GNA14: variants seen among roughly 807,000 people sequenced by gnomAD.
GNA14 encodes the protein G protein subunit alpha 14.
In GNA14, 50 loss-of-function variants were observed where a neutral mutation model predicts 42.0. That is an observed-to-expected ratio of 1.19 (90% CI 0.95 to 1.51). The LOEUF is 1.51. GNA14 is among the 40% of genes most tolerant of loss of function. The pLI is 0.00. For synonymous variants in GNA14, 173 were observed against 163.1 expected (o/e 1.06, Z -0.46); for missense variants, 473 against 446.2 (o/e 1.06, Z -0.54).
intron 1 of GNA14, among the ~76,000 whole-genome samples, chr9:77,590,395 T>A (rs1367741203): frequency 6.6e-6 from 1 of 152,194 alleles, no homozygotes; most frequent in Non-Finnish European, 1.5e-5. Context: ...ACCAGCACAA[T>A]CAACCTACAG....
intron 2 of GNA14, among the ~76,000 whole-genome samples, chr9:77,511,816 G>C (rs1290657764): frequency 6.6e-6 from 1 of 152,134 alleles, no homozygotes; most frequent in Non-Finnish European, 1.5e-5. Flanking sequence ...TGGAGGCCTG[G>C]AGAAGCAATC....
intron 1 of GNA14, among the ~76,000 whole-genome samples, chr9:77,589,985 C>T (rs955734124): frequency 2.0e-5 from 3 of 152,092 alleles, no homozygotes; most frequent in Non-Finnish European, 2.9e-5. Context: ...GGCGCAATAT[C>T]GGCTCACTGC....
chr9:77,546,207 C>G lies in GNA14; in HGVS notation c.125-16954G>C, dbSNP rs540130431. Among the ~76,000 whole-genome samples the G allele has an allele frequency of 8.0e-4, 100 of 125,644 alleles. 1 individual carries two copies. Among genetic ancestry groups the G allele is most frequent in the African/African-American group, 3.0e-3 (90 of 30,018 alleles). The allele number at this position is 125,644 out of a possible 152,430, so 82.4% of individuals were successfully genotyped here. On this transcript the variant is annotated intron_variant, in intron 1 of 6. Coordinates refer to ENST00000341700, the MANE Select transcript of GNA14 (RefSeq NM_004297.4). ...ACTCCAGCCTGGGTGACAGAGCGAGCTCCATCTCAAAAAAAAAAAAAAAAA... is the reference window on the plus strand; with the variant it reads ...ACTCCAGCCTGGGTGACAGAGCGAGGTCCATCTCAAAAAAAAAAAAAAAAA...
chr9:77,434,358 C>T lies in GNA14; in HGVS notation c.464+10G>A, dbSNP rs938594541. On this transcript the variant is annotated intron_variant, in intron 3 of 6. Transcript: ENST00000341700. ...GCACCGCGGGCGGCCAGGGTGGGCTCTGTACTCACTATTTGGCAGAGTCCG... is the reference window on the plus strand; with the variant it reads ...GCACCGCGGGCGGCCAGGGTGGGCTTTGTACTCACTATTTGGCAGAGTCCG... 5 of 1,611,750 alleles carry T rather than the reference C, an allele frequency of 3.1e-6. No homozygotes were observed. Among genetic ancestry groups the T allele is most frequent in the East Asian group, 4.5e-5 (2 of 44,874 alleles).
chr9:77,529,251 T>C lies in GNA14; in HGVS notation c.127A>G (p.Thr43Ala). The change falls in exon 2 of 7, where the codon ACT (threonine) becomes GCT (alanine). Residue 43 changes from threonine to alanine, a missense_variant and splice_region_variant. Physicochemically the swap from Thr to Ala is moderately conservative, Grantham distance 58 (BLOSUM62 0). Transcript: ENST00000341700. ...AAGGTGCTTTTCCCACTTTCACCAG[T>C]TCCTATAAGACAAAACAAGTGGAAA... ...RRELKLLLLG[T>A]GESGKSTFIK... 5.0e-6 allele frequency: 8 copies of C among 1,613,282 alleles called. No homozygotes were observed. The highest frequency in any genetic ancestry group is 6.8e-6 in the Non-Finnish European group (8 of 1,179,256).
chr9:77,512,715 T>C (rs1837190254), intron 2 of GNA14, among the ~76,000 whole-genome samples: 1 of 152,212 alleles, frequency 6.6e-6, no homozygotes, highest in Non-Finnish European at 1.5e-5. Flanking sequence ...ATAATCTTTT[T>C]ATATCAATAA....
chr9:77,483,030 C>G (rs1036096391), intron 2 of GNA14, among the ~76,000 whole-genome samples: 2 of 152,062 alleles, frequency 1.3e-5, no homozygotes, highest in African/African-American at 4.8e-5. Context: ...GTAGTTTGAT[C>G]GTCTGAAGCC....
intron 1 of GNA14, among the ~76,000 whole-genome samples, chr9:77,570,405 C>A (rs951179783): frequency 1.3e-5 from 2 of 152,180 alleles, no homozygotes; most frequent in South Asian, 4.1e-4. Flanking sequence ...CTTGCCCCCA[C>A]CACTGCAGCC....
intron 2 of GNA14, among the ~76,000 whole-genome samples, chr9:77,520,431 G>C (rs1267685218): frequency 1.3e-5 from 2 of 152,162 alleles, no homozygotes; most frequent in Non-Finnish European, 2.9e-5. Flanking sequence ...AAATTCTGAA[G>C]GACTTCGGAT....
intron 2 of GNA14, among the ~76,000 whole-genome samples, chr9:77,516,101 C>T (rs950565387): frequency 2.6e-5 from 4 of 151,724 alleles, no homozygotes; most frequent in Non-Finnish European, 5.9e-5. Flanking sequence ...ACTTAGAGGT[C>T]TCCAGGAAAC....
chr9:77,451,157 G>C (rs1835895342), intron 2 of GNA14, among the ~76,000 whole-genome samples: 1 of 152,098 alleles, frequency 6.6e-6, no homozygotes, highest in African/African-American at 2.4e-5. Flanking sequence ...TCCTTCAAGA[G>C]GACTCAAGAT....
intron 2 of GNA14, among the ~76,000 whole-genome samples, chr9:77,492,318 T>TTTTATTTATAAAAATAAATACAA (rs1405491558): frequency 6.6e-6 from 1 of 151,300 alleles, no homozygotes; most frequent in African/African-American, 2.4e-5. Flanking sequence ...AATAAATAAA[T>TTTTATTTATAAAAATAAATACAA]TTTATTTATA....
intron 2 of GNA14, among the ~76,000 whole-genome samples, chr9:77,511,090 A>G (rs1837159523): frequency 6.6e-6 from 1 of 151,492 alleles, no homozygotes; most frequent in Non-Finnish European, 1.5e-5. Flanking sequence ...TTTTTAATAC[A>G]GAGGGGAGTA....
intron 3 of GNA14, among the ~76,000 whole-genome samples, chr9:77,433,031 G>T (rs973837431): frequency 1.3e-5 from 2 of 152,184 alleles, no homozygotes; most frequent in Non-Finnish European, 1.5e-5. Flanking sequence ...CCTGTACTTA[G>T]ATTGGTTGTG....
chr9:77,583,791 G>A (rs1587838249), intron 1 of GNA14, among the ~76,000 whole-genome samples: 2 of 152,026 alleles, frequency 1.3e-5, no homozygotes, highest in East Asian at 3.9e-4. Flanking sequence ...AGTACATCTG[G>A]GGTGTGGTCT....
intron 2 of GNA14, among the ~76,000 whole-genome samples, chr9:77,452,837 TA>T (rs922713743): frequency 2.0e-5 from 3 of 151,780 alleles, no homozygotes; most frequent in South Asian, 4.2e-4. Flanking sequence ...TGTGCCCTTT[TA>T]AAAGAGGTCT....
chr9:77,428,254 A>G (rs1554685799), intron 5 of GNA14, among the ~76,000 whole-genome samples: 1 of 151,040 alleles, frequency 6.6e-6, no homozygotes, highest in Non-Finnish European at 1.5e-5. Flanking sequence ...AATTTTTTGT[A>G]TTTTTTAGTA....
chr9:77,573,585 C>T (rs1823090768), intron 1 of GNA14, among the ~76,000 whole-genome samples: 1 of 152,168 alleles, frequency 6.6e-6, no homozygotes, highest in African/African-American at 2.4e-5. Flanking sequence ...CATCTGCAGG[C>T]TTCATGATGG....
At chr9:77,519,813 C>G (rs560587031) in intron 2 of GNA14, among the ~76,000 whole-genome samples, 1 of 152,228 alleles carries the variant, frequency 6.6e-6, no homozygotes, top group South Asian at 2.1e-4. Flanking sequence ...AGTTCGAGAC[C>G]AGCCTGGCCA....
Sources: allele counts gnomAD v4.1 joint callset (sites outside exome capture counted in the v4.1 genomes callset), GRCh38; gene constraint gnomAD v4.1.1; transcripts MANE v1.5; gene names NCBI Gene and HGNC (gene_info 2026-07-23, HGNC 2026-07-21).